ATP6V1A: variants seen among roughly 807,000 people sequenced by gnomAD.
ATP6V1A encodes the protein ATPase H+ transporting V1 subunit A, also known as V-type proton ATPase catalytic subunit A.
A neutral mutation model predicts 70.1 loss-of-function variants in ATP6V1A; 18 were observed. The ratio of observed to expected loss-of-function variants is 0.26; its 90% confidence interval spans 0.18 to 0.38. The LOEUF (loss-of-function observed/expected upper bound fraction) is 0.38. ATP6V1A is among the 10% of genes least tolerant of loss of function. The probability of loss-of-function intolerance (pLI) is 1.00; values close to 1 mark genes in which losing one functional copy is unlikely to be tolerated. For missense variants in ATP6V1A, 424 were observed against 772.4 expected, an observed-to-expected ratio of 0.55 and a Z score of 5.35; for synonymous variants, 232 against 253.8, an observed-to-expected ratio of 0.91 and a Z score of 0.82.
chr3:113,780,395 G>A (rs1708964560), intron 2 of ATP6V1A, among the ~76,000 whole-genome samples: 1 of 152,170 alleles, frequency 6.6e-6, no homozygotes, highest in Non-Finnish European at 1.5e-5. Flanking sequence ...GTCCAAAATA[G>A]TAAGTTCAGT....
intron 1 of ATP6V1A, among the ~76,000 whole-genome samples, chr3:113,772,787 G>A (rs1336322937): frequency 1.3e-5 from 2 of 151,524 alleles, no homozygotes; most frequent in African/African-American, 4.9e-5. Flanking sequence ...TAAAACTCGT[G>A]TTTTCATAAT....
At chr3:113,788,641 G>T (rs990757823) in intron 6 of ATP6V1A, 72 bp from the exon 7 acceptor site, 6 of 1,478,236 alleles carry the variant, frequency 4.1e-6, no homozygotes, top group African/African-American at 1.4e-5. Context: ...GAGCCACCGC[G>T]CCCGGCCCCT....
intron 1 of ATP6V1A, among the ~76,000 whole-genome samples, chr3:113,766,982 C>G (rs1010405473): frequency 2.0e-5 from 3 of 151,784 alleles, no homozygotes; most frequent in African/African-American, 7.3e-5. Flanking sequence ...TCAAATAATA[C>G]CTATTTCATA....
At chr3:113,781,257 C>A in intron 3 of ATP6V1A, 79 bp downstream of exon 3, 21 of 1,449,474 alleles carry the variant, frequency 1.4e-5, no homozygotes, top group Non-Finnish European at 1.9e-5. Flanking sequence ...GTGCCTCACA[C>A]AAAGTAATCC....
chr3:113,781,551 A>T (rs1239490941), intron 3 of ATP6V1A, among the ~76,000 whole-genome samples: 1 of 152,162 alleles, frequency 6.6e-6, no homozygotes, highest in Admixed American at 6.5e-5. Context: ...ATTTAAGCCA[A>T]AGGTGGAAGC....
chr3:113,767,163 C>T (rs185230897), intron 1 of ATP6V1A, among the ~76,000 whole-genome samples: 250 of 141,986 alleles, frequency 1.8e-3, no homozygotes, highest in African/African-American at 6.3e-3. Flanking sequence ...GTGATCTTGG[C>T]GCATTGCAAC....
chr3:113,773,099 G>A (rs1028859803), intron 1 of ATP6V1A, among the ~76,000 whole-genome samples: 8 of 151,586 alleles, frequency 5.3e-5, no homozygotes, highest in African/African-American at 7.3e-5. Context: ...CACCACGCCC[G>A]GCTAATTTTT....
intron 1 of ATP6V1A, among the ~76,000 whole-genome samples, chr3:113,777,312 A>C (rs1708925488): frequency 6.6e-6 from 1 of 152,256 alleles, no homozygotes; most frequent in African/African-American, 2.4e-5. Flanking sequence ...ATTTAAAGAT[A>C]GGTAATAAAT....
At chr3:113,782,601 T>TAC (rs1708991732) in intron 3 of ATP6V1A, among the ~76,000 whole-genome samples, 1 of 147,038 alleles carries the variant, frequency 6.8e-6, no homozygotes, top group African/African-American at 2.5e-5. Context: ...TATATATATA[T>TAC]ACATATATAT....
rs145108979 is a variant in ATP6V1A at position 113,797,817 on chromosome 3, T to C, written c.1291-426T>C. ...TTTTACTTAGTATATACTAAAACGATGTATAATTTGACCAGTGAATTGTAG... is the reference window on the plus strand; with the variant it reads ...TTTTACTTAGTATATACTAAAACGACGTATAATTTGACCAGTGAATTGTAG... On this transcript the variant is annotated intron_variant, in intron 11 of 14. Coordinates refer to ENST00000273398, the MANE Select transcript of ATP6V1A (RefSeq NM_001690.4). 5.2e-3 allele frequency among the ~76,000 whole-genome samples: 789 copies of C among 152,126 alleles called. 16 individuals carry two copies. The highest frequency in any genetic ancestry group is 0.034 in the Admixed American group (519 of 15,288).
intron 1 of ATP6V1A, among the ~76,000 whole-genome samples, chr3:113,771,972 T>C (rs1708846708): frequency 6.6e-6 from 1 of 152,156 alleles, no homozygotes; most frequent in Non-Finnish European, 1.5e-5. Flanking sequence ...GAGGAGTGGT[T>C]ATTCACTTCG....
At chr3:113,749,666 G>C (rs1708563353) in intron 1 of ATP6V1A, among the ~76,000 whole-genome samples, 1 of 152,072 alleles carries the variant, frequency 6.6e-6, no homozygotes, top group Non-Finnish European at 1.5e-5. Flanking sequence ...AAATCATAAA[G>C]CTCTCAGGAC....
At chr3:113,803,255 G>T in intron 12 of ATP6V1A, 1 of 191,500 alleles carries the variant, frequency 5.2e-6, no homozygotes, top group Non-Finnish European at 1.1e-5. Flanking sequence ...GTTACCAGGG[G>T]CTGGGGGAGG....
intron 1 of ATP6V1A, among the ~76,000 whole-genome samples, chr3:113,751,429 G>T (rs1708585539): frequency 6.6e-6 from 1 of 151,550 alleles, no homozygotes; most frequent in Admixed American, 6.6e-5. Flanking sequence ...CTTAAGGAAA[G>T]ATTTTATTAA....
Position 113,796,010 on chromosome 3 carries a change from G to A in ATP6V1A, c.1290+71G>A, listed in dbSNP as rs893339753. On this transcript the variant is annotated intron_variant, in intron 11 of 14. Transcript: ENST00000273398. ...TCTGCAGCCCCTGCTGTTCTAATGCGATCTAATGTAATCGTTGTGAAGTAT... is the reference window on the plus strand; with the variant it reads ...TCTGCAGCCCCTGCTGTTCTAATGCAATCTAATGTAATCGTTGTGAAGTAT... The A allele has an allele frequency of 6.2e-5, 79 of 1,281,736 alleles. No individual in the cohort carries two copies. The East Asian group carries it at 1.1e-3, about 17-fold the overall frequency. The allele number at this position is 1,281,736 out of a possible 1,614,324, so 79.4% of individuals were successfully genotyped here.
intron 1 of ATP6V1A, among the ~76,000 whole-genome samples, chr3:113,770,029 T>TTTTA (rs143157842): frequency 1.2e-3 from 171 of 147,802 alleles, no homozygotes; most frequent in African/African-American, 2.8e-3. Context: ...GTATTCCTGC[T>TTTTA]TTTATTTATT....
chr3:113,794,973 C>T lies in ATP6V1A; in HGVS notation c.1090C>T (p.Arg364Cys). The T allele has an allele frequency of 2.5e-6, 4 of 1,613,610 alleles. No homozygotes were observed. Among genetic ancestry groups the T allele is most frequent in the Non-Finnish European group, 3.4e-6 (4 of 1,179,852 alleles). The change falls in exon 9 of 15, where the codon CGT becomes TGT. Residue 364 changes from arginine (R) to cysteine (C), a missense_variant. Arg to Cys is a radical substitution (Grantham distance 180). Transcript: ENST00000273398. ...TGAGGCCCTTAGAGAAATCTCTGGT[C>T]GTTTAGCTGAAATGCCTGCAGGTAA... Reference protein sequence around the residue: ...WAEALREISGRLAEMPADSGY... With the variant: ...WAEALREISGCLAEMPADSGY...
chr3:113,795,732 G>T, intron 10 of ATP6V1A, 144 bp from the exon 11 acceptor site: 1 of 642,024 alleles, frequency 1.6e-6, no homozygotes, highest in Non-Finnish European at 2.5e-6. Flanking sequence ...CTTTCCAAAG[G>T]TCATTTCTAA....
Position 113,784,235 on chromosome 3 carries a change from G to T in ATP6V1A, c.223G>T (p.Val75Phe), listed in dbSNP as rs775563385. The T allele has an allele frequency of 8.7e-6, 14 of 1,613,986 alleles. No individual in the cohort carries two copies. Among genetic ancestry groups the T allele is most frequent in the Non-Finnish European group, 1.2e-5 (14 of 1,179,984 alleles). The change falls in exon 4 of 15, where the codon GTT becomes TTT. Residue 75 changes from valine (V) to phenylalanine (F), a missense_variant. This residue lies in a region of ATP6V1A where 31 missense variants were observed against 78.6 expected (regional missense o/e 0.39). Coordinates refer to ENST00000273398, the MANE Select transcript of ATP6V1A (RefSeq NM_001690.4). ...QVYEETSGVSVGDPVLRTGKP... is the reference protein window; with the variant it reads ...QVYEETSGVSFGDPVLRTGKP... ...GCTGCTGTTTTTAGCTGGTGTGTCT[G>T]TTGGAGATCCTGTACTTCGCACTGG...
Sources: gnomAD v4.1 joint callset for allele counts (sites outside exome capture counted in the v4.1 genomes callset) on GRCh38, gnomAD v4.1.1 for gene constraint, gnomAD v4.1.1 regional missense constraint, MANE v1.5 for transcripts, NCBI Gene and HGNC (gene_info 2026-07-23, HGNC 2026-07-21) for gene names.